Variants in SPRED1 observed in about 807,000 individuals in gnomAD.
SPRED1 encodes the protein sprouty-related, EVH1 domain-containing protein 1.
SPRED1 carries 18 observed loss-of-function variants against 52.3 expected under a neutral mutation model. The observed-to-expected ratio is 0.34, with a 90% confidence interval of 0.24 to 0.51. SPRED1 has a LOEUF of 0.51. Among genes scored for constraint, SPRED1 ranks in the 20% least tolerant of loss-of-function variants. The pLI is 0.97. For missense variants in SPRED1, 485 were observed against 551.0 expected, an observed-to-expected ratio of 0.88 and a Z score of 1.20; for synonymous variants, 155 against 179.7, an observed-to-expected ratio of 0.86 and a Z score of 1.10.
At chr15:38,294,348 G>A (rs1194338268) in intron 1 of SPRED1, among the ~76,000 whole-genome samples, 3 of 152,048 alleles carry the variant, frequency 2.0e-5, no homozygotes, top group African/African-American at 7.2e-5. Context: ...TGGTTGGTGG[G>A]GCGGAGGTCA....
At position 38,352,024 on chromosome 15, in the gene SPRED1, A is replaced by G. The variant is rs751117768; in HGVS notation, c.*360A>G. The stretch of plus-strand genomic sequence containing the variant: ...AAAGGTTTGAATTTATTAGGACACG[A>G]ACTAAAAATAAAAGTGCACTAGGGG... On this transcript the variant is annotated 3_prime_UTR_variant, in exon 7 of 7. Transcript: ENST00000299084. 3 of 252,000 alleles carry G rather than the reference A, an allele frequency of 1.2e-5. No individual in the cohort carries two copies. Among genetic ancestry groups the G allele is most frequent in the Non-Finnish European group, 2.3e-5 (3 of 130,364 alleles). 15.6% of individuals were successfully genotyped at this position (252,000 alleles called of 1,614,324 possible). A position where few individuals can be genotyped will look rare whatever the true frequency, so the allele number is the denominator to read the frequency against.
chr15:38,317,121 G>A (rs1364890136), intron 2 of SPRED1, among the ~76,000 whole-genome samples: 3 of 151,786 alleles, frequency 2.0e-5, no homozygotes, highest in Admixed American at 6.6e-5. Context: ...TCATTAATAC[G>A]ATGGGGACCT....
intron 2 of SPRED1, among the ~76,000 whole-genome samples, chr15:38,304,972 T>G (rs1895221974): frequency 6.6e-6 from 1 of 152,030 alleles, no homozygotes; most frequent in African/African-American, 2.4e-5. Flanking sequence ...TGTTGCTAAG[T>G]TTTTTTTAAC....
chr15:38,308,852 G>C (rs1895305233), intron 2 of SPRED1, among the ~76,000 whole-genome samples: 1 of 152,146 alleles, frequency 6.6e-6, no homozygotes, highest in African/African-American at 2.4e-5. Flanking sequence ...GTATGCAGTG[G>C]CTGGGTTGTA....
chr15:38,275,684 G>C (rs536808937), intron 1 of SPRED1, among the ~76,000 whole-genome samples: 2 of 152,106 alleles, frequency 1.3e-5, no homozygotes, highest in Non-Finnish European at 2.9e-5. Flanking sequence ...TTTCAGTAGC[G>C]ACGGGGTTTC....
rs547476444 is a variant in SPRED1 at position 38,336,821 on chromosome 15, A to C, written c.424-2916A>C. Among the ~76,000 whole-genome samples the C allele has an allele frequency of 5.9e-5, 9 of 152,214 alleles. No homozygotes were observed. In the East Asian group the frequency reaches 1.7e-3, roughly 29 times the overall value. On this transcript the variant is annotated intron_variant, in intron 4 of 6. Coordinates refer to ENST00000299084, the MANE Select transcript of SPRED1 (RefSeq NM_152594.3). Reference sequence around the variant, plus strand: ...GGGGTGGTGAGGGATAAAAGGCTACACATTGGGTACAGTGTACACTGTTTG... The same window carrying C: ...GGGGTGGTGAGGGATAAAAGGCTACCCATTGGGTACAGTGTACACTGTTTG...
intron 1 of SPRED1, among the ~76,000 whole-genome samples, chr15:38,261,223 A>G (rs1250863356): frequency 6.6e-6 from 1 of 152,248 alleles, no homozygotes; most frequent in Non-Finnish European, 1.5e-5. Context: ...TCTGCTCTCT[A>G]GAATTTCAGA....
At chr15:38,257,349 C>G (rs1894118598) in intron 1 of SPRED1, among the ~76,000 whole-genome samples, 1 of 152,056 alleles carries the variant, frequency 6.6e-6, no homozygotes, top group Non-Finnish European at 1.5e-5. Flanking sequence ...GCCTCATTAC[C>G]TCATTTTTTT....
At chr15:38,298,557 G>C in intron 1 of SPRED1, 1 of 298,940 alleles carries the variant, frequency 3.3e-6, no homozygotes, top group Non-Finnish European at 6.3e-6. Flanking sequence ...AGAGAAAGAA[G>C]TCAGACAAAA....
At chr15:38,253,358 C>T (rs536057568) in intron 1 of SPRED1, 141 bp downstream of exon 1, 4 of 806,898 alleles carry the variant, frequency 5.0e-6, no homozygotes, top group African/African-American at 3.4e-5. Context: ...TAGCTGATTT[C>T]TTTAGCCATT....
intron 3 of SPRED1, 93 bp downstream of exon 3, chr15:38,322,502 T>A: frequency 7.6e-7 from 1 of 1,313,592 alleles, no homozygotes. Flanking sequence ...GTTTTCACAC[T>A]TTAACCATGT....
intron 2 of SPRED1, among the ~76,000 whole-genome samples, chr15:38,314,574 G>A (rs546479301): frequency 1.3e-4 from 20 of 151,722 alleles, no homozygotes; most frequent in Non-Finnish European, 2.4e-4. Flanking sequence ...GCACACATAC[G>A]TGTATACTTT....
chr15:38,351,475 C>T lies in SPRED1; in HGVS notation c.1146C>T (p.Asp382=), dbSNP rs1286583801. The T allele has an allele frequency of 1.5e-5, 24 of 1,614,020 alleles. No homozygotes were observed. The highest frequency in any genetic ancestry group is 1.9e-5 in the Non-Finnish European group (23 of 1,180,002). The change falls in exon 7 of 7, where the codon GAC becomes GAT. Residue 382 remains aspartate (D), a synonymous_variant. Transcript: ENST00000299084. ...AESMLYHCMS[D]SEGDFSDPCS... is the part of the protein sequence containing the mutation. ...GCATGTTGTATCATTGTATGTCAGA[C>T]TCAGAGGGAGATTTTTCTGATCCCT...
chr15:38,257,925 A>G (rs1894132585), intron 1 of SPRED1, among the ~76,000 whole-genome samples: 2 of 152,344 alleles, frequency 1.3e-5, no homozygotes, highest in South Asian at 4.1e-4. Flanking sequence ...GTGTTGTATA[A>G]CTTGAACTTG....
intron 1 of SPRED1, among the ~76,000 whole-genome samples, chr15:38,265,410 T>G (rs1424971986): frequency 6.6e-6 from 1 of 152,076 alleles, no homozygotes; most frequent in Admixed American, 6.5e-5. Flanking sequence ...GTGGGGTCGC[T>G]TTTTAAAAAG....
rs540977347 is a variant in SPRED1, at chr15:38,345,482, G to A, written c.583-3940G>A. Among the ~76,000 whole-genome samples the A allele has an allele frequency of 3.9e-5, 6 of 152,286 alleles. No homozygotes were observed. The East Asian group carries it at 1.2e-3, about 29-fold the overall frequency. The stretch of plus-strand genomic sequence containing the variant: ...GCCAAAAGGACTAGACAACTGCCTT[G>A]ATGAACTATAAAGATTAAGCTAGCA... On this transcript the variant is annotated intron_variant, in intron 5 of 6. Coordinates refer to ENST00000299084, the MANE Select transcript of SPRED1 (RefSeq NM_152594.3).
chr15:38,348,646 G>C (rs540857898), intron 5 of SPRED1, among the ~76,000 whole-genome samples: 1 of 152,128 alleles, frequency 6.6e-6, no homozygotes, highest in South Asian at 2.1e-4. Context: ...GTAGGAGTTG[G>C]CTCAAAATTA....
intron 1 of SPRED1, among the ~76,000 whole-genome samples, chr15:38,289,065 G>A (rs1302632167): frequency 6.6e-6 from 1 of 152,064 alleles, no homozygotes; most frequent in Non-Finnish European, 1.5e-5. Context: ...GTAGACTTGG[G>A]AATCTGTGTT....
intron 1 of SPRED1, among the ~76,000 whole-genome samples, chr15:38,253,723 A>G (rs1422419912): frequency 6.6e-6 from 1 of 152,104 alleles, no homozygotes; most frequent in African/African-American, 2.4e-5. Context: ...CCCCCTTTTA[A>G]ACTTATGACC....
Sources: gnomAD v4.1 joint callset for allele counts (sites outside exome capture counted in the v4.1 genomes callset) on GRCh38, gnomAD v4.1.1 for gene constraint, MANE v1.5 for transcripts, NCBI Gene and HGNC (gene_info 2026-07-23, HGNC 2026-07-21) for gene names.